The following CHST11 variants were observed in gnomAD, a reference collection of about 807,000 sequenced individuals.
The protein encoded by CHST11 is carbohydrate sulfotransferase 11, also known as C4S-1.
CHST11 carries 9 observed loss-of-function variants against 30.4 expected under a neutral mutation model. The ratio of observed to expected loss-of-function variants is 0.30; its 90% CI spans 0.18 to 0.52. CHST11 has a LOEUF of 0.52. Among genes scored for constraint, CHST11 ranks in the 20% least tolerant of loss-of-function variants. The pLI is 0.97. For synonymous variants in CHST11, 152 were observed against 187.8 expected, an observed-to-expected ratio of 0.81 and a Z score of 1.56; for missense variants, 348 against 460.6, an observed-to-expected ratio of 0.76 and a Z score of 2.24.
intron 1 of CHST11, among the ~76,000 whole-genome samples, chr12:104,581,888 A>G (rs2038748382): frequency 6.6e-6 from 1 of 152,158 alleles, no homozygotes; most frequent in South Asian, 2.1e-4. Context: ...AAAGCATTCA[A>G]CTTGTAGCAA....
rs375475082 is a variant in CHST11, at chr12:104,671,243, C to T, written c.204+69252C>T. Among the ~76,000 whole-genome samples the T allele has an allele frequency of 3.9e-5, 6 of 152,314 alleles. 1 individual carries two copies. Among genetic ancestry groups the T allele is most frequent in the Admixed American group, 6.5e-5 (1 of 15,302 alleles). On this transcript the variant is annotated intron_variant, in intron 2 of 2. Coordinates refer to ENST00000303694, the MANE Select transcript of CHST11 (RefSeq NM_018413.6). ...TCTCCAGTCTGACTGGACACGGCTT[C>T]TTGCTGCGCCCGTGATCCTAAGCAT... is the stretch of plus-strand genomic sequence containing the variant.
At chr12:104,692,604 C>G (rs889406506) in intron 2 of CHST11, among the ~76,000 whole-genome samples, 10 of 152,076 alleles carry the variant, frequency 6.6e-5, no homozygotes, top group African/African-American at 2.4e-4. Context: ...CCCTAATGCC[C>G]CTGGCCACAG....
chr12:104,679,423 G>A (rs980222163), intron 2 of CHST11, among the ~76,000 whole-genome samples: 3 of 152,080 alleles, frequency 2.0e-5, no homozygotes, highest in Admixed American at 6.6e-5. Flanking sequence ...CGGAGCCTCC[G>A]CGTCCTGCTC....
At chr12:104,687,856 A>G (rs530569847) in intron 2 of CHST11, among the ~76,000 whole-genome samples, 2 of 152,166 alleles carry the variant, frequency 1.3e-5, no homozygotes, top group East Asian at 3.9e-4. Flanking sequence ...AATACTCCAG[A>G]TGCAGTTTTC....
At chr12:104,476,898 G>A (rs570060341) in intron 1 of CHST11, among the ~76,000 whole-genome samples, 3 of 151,516 alleles carry the variant, frequency 2.0e-5, no homozygotes, top group East Asian at 1.9e-4. Context: ...AGTCCCTGGC[G>A]TATGACAGAC....
At chr12:104,533,754 G>A (rs1169587395) in intron 1 of CHST11, among the ~76,000 whole-genome samples, 1 of 152,220 alleles carries the variant, frequency 6.6e-6, no homozygotes, top group Admixed American at 6.5e-5. Context: ...AAACGTAGGA[G>A]CTGGTTGCAA....
Position 104,457,319 on chromosome 12 carries a change from C to T in CHST11, c.-93C>T. On this transcript the variant is annotated 5_prime_UTR_variant, in exon 1 of 3. Transcript: ENST00000303694. Reference sequence around the variant, plus strand: ...GAGCCTTGCTCAGCTCTGCCCCGCGCCTCCCGGGCTCCGGTCCGCGCGGCG... The same window carrying T: ...GAGCCTTGCTCAGCTCTGCCCCGCGTCTCCCGGGCTCCGGTCCGCGCGGCG... 5 of 831,534 alleles carry T rather than the reference C, an allele frequency of 6.0e-6. 1 individual carries two copies. In the South Asian group the frequency reaches 7.3e-5, roughly 12 times the overall value. The allele number at this position is 831,534 out of a possible 1,614,324, so 51.5% of individuals were successfully genotyped here.
intron 1 of CHST11, among the ~76,000 whole-genome samples, chr12:104,574,722 G>T (rs983593554): frequency 6.6e-6 from 1 of 151,990 alleles, no homozygotes; most frequent in African/African-American, 2.4e-5. Context: ...GGTGGGGGTT[G>T]GGGGAGGGAT....
At chr12:104,702,048 A>G (rs1051340515) in intron 2 of CHST11, among the ~76,000 whole-genome samples, 2 of 152,168 alleles carry the variant, frequency 1.3e-5, no homozygotes, top group Non-Finnish European at 2.9e-5. Context: ...CTTGGGTTCT[A>G]GAAGCCCATC....
At position 104,493,434 on chromosome 12, in the gene CHST11, A is replaced by G. The variant is rs1277051890; in HGVS notation, c.118+35905A>G. Among the ~76,000 whole-genome samples, 7 of 152,206 alleles carry G rather than the reference A, an allele frequency of 4.6e-5. No individual in the cohort carries two copies. The East Asian group carries it at 1.3e-3, about 29-fold the overall frequency. On this transcript the variant is annotated intron_variant, in intron 1 of 2. Coordinates refer to ENST00000303694, the MANE Select transcript of CHST11 (RefSeq NM_018413.6). ...GAAGTACACCTGTCATTCCCTTAAC[A>G]GAGCACCTATGAGGTGCCAGGTGCT...
rs1389349530 is a variant in CHST11 at position 104,600,900 on chromosome 12, T to A, written c.119-1006T>A. Among the ~76,000 whole-genome samples the A allele has an allele frequency of 6.6e-6, 1 of 150,544 alleles. No homozygotes were observed. The highest frequency in any genetic ancestry group is 1.5e-5 in the Non-Finnish European group (1 of 67,628). ...CTTCCTTCCCTCCCTTCTTCCCTCC[T>A]TCCTCCTTCTCGGCTTCCTTTTTTC... On this transcript the variant is annotated intron_variant, in intron 1 of 2. Coordinates refer to ENST00000303694, the MANE Select transcript of CHST11 (RefSeq NM_018413.6). This position sits in a 1 kb window ranked among gnomAD's most constrained non-coding sequence, Gnocchi z 4.1.
At chr12:104,646,812 A>T (rs561402964) in intron 2 of CHST11, among the ~76,000 whole-genome samples, 52 of 152,360 alleles carry the variant, frequency 3.4e-4, no homozygotes, top group African/African-American at 1.2e-3. Context: ...CAGAGCCTAA[A>T]GTGTCTGATA....
chr12:104,582,826 A>C (rs1325385476), intron 1 of CHST11, among the ~76,000 whole-genome samples: 4 of 151,228 alleles, frequency 2.6e-5, no homozygotes, highest in Non-Finnish European at 5.9e-5. Flanking sequence ...TAGAGCCGGA[A>C]CTCCAAATGT....
At chr12:104,527,480 T>C (rs1305525415) in intron 1 of CHST11, among the ~76,000 whole-genome samples, 2 of 152,198 alleles carry the variant, frequency 1.3e-5, no homozygotes, top group Non-Finnish European at 2.9e-5. Context: ...GACTCAGTTC[T>C]AGGCTACCTG....
chr12:104,687,917 G>A (rs1357282040), intron 2 of CHST11, among the ~76,000 whole-genome samples: 1 of 152,148 alleles, frequency 6.6e-6, no homozygotes, highest in Non-Finnish European at 1.5e-5. Context: ...ACAGTTTAAT[G>A]CCGTTGGGTG....
intron 2 of CHST11, among the ~76,000 whole-genome samples, chr12:104,637,175 C>A (rs1231487893): frequency 6.6e-6 from 1 of 151,150 alleles, no homozygotes; most frequent in Non-Finnish European, 1.5e-5. Flanking sequence ...TGTGGTGGCA[C>A]GCACTTGTAG....
chr12:104,733,935 C>T (rs2040277412), intron 2 of CHST11, among the ~76,000 whole-genome samples: 1 of 152,236 alleles, frequency 6.6e-6, no homozygotes, highest in Admixed American at 6.5e-5. Flanking sequence ...CTGCCATGCC[C>T]CCATGGCCCA....
rs150741721 is a variant in CHST11 at position 104,628,766 on chromosome 12, C to T, written c.204+26775C>T. ...CTGCTTCACCTCTACTTGGCTGACT[C>T]CTTCTCAGCCTTTAGGGTCTCTAGG... On this transcript the variant is annotated intron_variant, in intron 2 of 2. Coordinates refer to ENST00000303694, the MANE Select transcript of CHST11 (RefSeq NM_018413.6). 7.0e-3 allele frequency among the ~76,000 whole-genome samples: 1,064 copies of T among 152,318 alleles called. 13 individuals carry two copies. The highest frequency in any genetic ancestry group is 0.025 in the African/African-American group (1,028 of 41,556).
chr12:104,585,390 G>T (rs1485184163), intron 1 of CHST11, among the ~76,000 whole-genome samples: 1 of 36,884 alleles, frequency 2.7e-5, no homozygotes, highest in East Asian at 0.033. Context: ...AAAACAGTGA[G>T]ATTTGGGTTG....
Sources: allele counts gnomAD v4.1 joint callset (sites outside exome capture counted in the v4.1 genomes callset), GRCh38; gene constraint gnomAD v4.1.1; non-coding constraint Gnocchi (gnomAD v3.1); transcripts MANE v1.5; gene names NCBI Gene and HGNC (gene_info 2026-07-23, HGNC 2026-07-21).